The following EXT1 variants were observed in gnomAD, a reference collection of about 807,000 sequenced individuals.
The protein encoded by EXT1 is exostosin-1.
A neutral mutation model predicts 82.5 loss-of-function variants in EXT1; 20 were observed. The ratio of observed to expected loss-of-function variants is 0.24; its 90% CI spans 0.17 to 0.35. EXT1 has a LOEUF of 0.35. Among genes scored for constraint, EXT1 ranks in the 10% least tolerant of loss-of-function variants. The probability of loss-of-function intolerance (pLI) is 1.00; values close to 1 mark genes in which losing one functional copy is unlikely to be tolerated. For synonymous variants in EXT1, 348 were observed against 350.8 expected, an observed-to-expected ratio of 0.99 and a Z score of 0.09; for missense variants, 757 against 936.5, an observed-to-expected ratio of 0.81 and a Z score of 2.50.
chr8:117,972,946 G>T (rs548020559), intron 1 of EXT1, among the ~76,000 whole-genome samples: 8 of 152,262 alleles, frequency 5.3e-5, no homozygotes, highest in African/African-American at 1.7e-4. Flanking sequence ...CTAAAATTCA[G>T]ATGAGATTTC....
intron 1 of EXT1, among the ~76,000 whole-genome samples, chr8:117,869,054 G>A (rs746162816): frequency 6.6e-6 from 1 of 152,128 alleles, no homozygotes; most frequent in Non-Finnish European, 1.5e-5. Context: ...GTTCCCTGCT[G>A]TGTGTGTTCT....
At chr8:117,834,884 C>A (rs761958873) in intron 3 of EXT1, among the ~76,000 whole-genome samples, 1 of 150,168 alleles carries the variant, frequency 6.7e-6, no homozygotes, top group Non-Finnish European at 1.5e-5. Flanking sequence ...CATTCCTGCC[C>A]TCAGATTTTT....
At chr8:117,884,682 A>G (rs1813117489) in intron 1 of EXT1, among the ~76,000 whole-genome samples, 1 of 152,176 alleles carries the variant, frequency 6.6e-6, no homozygotes, top group Admixed American at 6.5e-5. Context: ...TTGCACTGAA[A>G]TGAAACTGTG....
chr8:117,936,485 A>G (rs1203984668), intron 1 of EXT1, among the ~76,000 whole-genome samples: 5 of 152,340 alleles, frequency 3.3e-5, no homozygotes, highest in African/African-American at 1.2e-4. Flanking sequence ...GATATCACCA[A>G]ATTGCTGATT....
chr8:118,111,249 C>T lies in EXT1; in HGVS notation c.-203G>A, dbSNP rs928125440. On this transcript the variant is annotated 5_prime_UTR_variant, in exon 1 of 11. Coordinates refer to ENST00000378204, the MANE Select transcript of EXT1 (RefSeq NM_000127.3). ...TTTCTTTAACTTTCTCCCCTTCGGT[C>T]TTTCATCTTTGGGTTGCACAATGCA... The T allele has an allele frequency of 5.3e-6, 4 of 758,402 alleles. 1 individual carries two copies. Among genetic ancestry groups the T allele is most frequent in the Non-Finnish European group, 8.7e-6 (4 of 459,488 alleles). 47.0% of individuals were successfully genotyped at this position (758,402 alleles called of 1,614,324 possible). A position where few individuals can be genotyped will look rare whatever the true frequency, so the allele number is the denominator to read the frequency against.
intron 1 of EXT1, among the ~76,000 whole-genome samples, chr8:117,896,386 A>G (rs1216305567): frequency 6.6e-6 from 1 of 152,230 alleles, no homozygotes; most frequent in East Asian, 1.9e-4. Context: ...AGATTCAGAG[A>G]AGGAGTTAAA....
At chr8:118,004,550 G>A (rs950126386) in intron 1 of EXT1, among the ~76,000 whole-genome samples, 6 of 152,158 alleles carry the variant, frequency 3.9e-5, no homozygotes, top group African/African-American at 1.4e-4. Context: ...CAAAGAGGGA[G>A]CACAGCGCAG....
chr8:118,056,537 T>C (rs1045214243), intron 1 of EXT1, among the ~76,000 whole-genome samples: 1 of 152,140 alleles, frequency 6.6e-6, no homozygotes, highest in African/African-American at 2.4e-5. Flanking sequence ...ATCTACCCCT[T>C]GTATTTTCAC....
At chr8:117,996,840 T>C (rs778406874) in intron 1 of EXT1, among the ~76,000 whole-genome samples, 9 of 152,222 alleles carry the variant, frequency 5.9e-5, no homozygotes, top group African/African-American at 9.6e-5. Context: ...ATCTCTGTCA[T>C]TGAACATCTT....
chr8:117,959,440 T>G (rs2129713608), intron 1 of EXT1, among the ~76,000 whole-genome samples: 1 of 152,322 alleles, frequency 6.6e-6, no homozygotes, highest in African/African-American at 2.4e-5. Context: ...GCCAGAAGCG[T>G]CTTCAAATTA....
chr8:118,000,741 T>C (rs539095662), intron 1 of EXT1, among the ~76,000 whole-genome samples: 94 of 152,312 alleles, frequency 6.2e-4, no homozygotes, highest in African/African-American at 2.2e-3. Flanking sequence ...CCCTAGTAGC[T>C]GTAACTAGAA....
chr8:117,901,304 T>C (rs976888901), intron 1 of EXT1, among the ~76,000 whole-genome samples: 1 of 152,214 alleles, frequency 6.6e-6, no homozygotes, highest in East Asian at 1.9e-4. Context: ...CTATGGGCAG[T>C]TGTAACACCA....
intron 1 of EXT1, among the ~76,000 whole-genome samples, chr8:117,874,574 T>TGAAAA (rs1812932993): frequency 2.4e-5 from 1 of 42,478 alleles, no homozygotes; most frequent in African/African-American, 3.0e-4. Flanking sequence ...AGACTCTGCC[T>TGAAAA]CAAAAAAAAA....
At chr8:117,941,541 G>T (rs1365011925) in intron 1 of EXT1, among the ~76,000 whole-genome samples, 2 of 152,194 alleles carry the variant, frequency 1.3e-5, no homozygotes, top group African/African-American at 4.8e-5. Context: ...TTGCAAAGTA[G>T]TCAGGAAGGC....
rs559943455 is a variant in EXT1, at chr8:117,934,732, A to G, written c.963-97531T>C. Among the ~76,000 whole-genome samples, 11 of 152,318 alleles carry G rather than the reference A, an allele frequency of 7.2e-5. 1 individual carries two copies. The South Asian group carries it at 2.3e-3, about 32-fold the overall frequency. ...TTTCACACCTCAGGCTCCTTTCACA[A>G]TGCAAATGGATACCTGACTCAGGCA... On this transcript the variant is annotated intron_variant, in intron 1 of 10. Transcript: ENST00000378204.
At position 117,794,811 on chromosome 8, in the gene EXT1, C is replaced by T. The variant is rs569544287; in HGVS notation, c.*4901G>A. On this transcript the variant is annotated 3_prime_UTR_variant, in exon 11 of 11. Coordinates refer to ENST00000378204, the MANE Select transcript of EXT1 (RefSeq NM_000127.3). ...AGAAAACTCTGTCCCAAGTGTACAT[C>T]GTATACAAAATAAGGTATACTTTTG... The T allele has an allele frequency of 6.6e-6, 1 of 152,178 alleles. No homozygotes were observed. The highest frequency in any genetic ancestry group is 6.5e-5 in the Admixed American group (1 of 15,274). 9.4% of individuals were successfully genotyped at this position (152,178 alleles called of 1,614,324 possible). A position where few individuals can be genotyped will look rare whatever the true frequency, so the allele number is the denominator to read the frequency against.
intron 1 of EXT1, among the ~76,000 whole-genome samples, chr8:117,853,975 C>T (rs1036735808): frequency 7.9e-5 from 12 of 152,240 alleles, no homozygotes; most frequent in Non-Finnish European, 1.3e-4. Flanking sequence ...TGGGATGGTA[C>T]ACTCAGGGGA....
chr8:118,006,571 T>C (rs1194441109), intron 1 of EXT1, among the ~76,000 whole-genome samples: 1 of 152,198 alleles, frequency 6.6e-6, no homozygotes, highest in Admixed American at 6.5e-5. Context: ...GGGACAACTG[T>C]GGTTCAGTGG....
At chr8:118,062,502 A>G (rs1386601000) in intron 1 of EXT1, among the ~76,000 whole-genome samples, 1 of 152,180 alleles carries the variant, frequency 6.6e-6, no homozygotes, top group African/African-American at 2.4e-5. Context: ...GATTTGGTCT[A>G]AATACATGAC....
Sources: allele counts gnomAD v4.1 joint callset (sites outside exome capture counted in the v4.1 genomes callset), GRCh38; gene constraint gnomAD v4.1.1; transcripts MANE v1.5; gene names NCBI Gene and HGNC (gene_info 2026-07-23, HGNC 2026-07-21).